The following TBCK variants were observed in gnomAD, a reference collection of about 807,000 sequenced individuals.
TBCK encodes TBC domain-containing protein kinase-like protein.
Under a neutral mutation model 113.4 loss-of-function variants are expected in TBCK, and 99 were observed. That is an observed-to-expected ratio of 0.87 (90% confidence interval 0.74 to 1.03). The LOEUF (loss-of-function observed/expected upper bound fraction) is 1.03. Among genes scored for constraint, TBCK ranks in the 50% least tolerant of loss-of-function variants. TBCK has a pLI of 0.00. For missense variants in TBCK, 1,045 were observed against 1,061.3 expected, an observed-to-expected ratio of 0.98 and a Z score of 0.21; for synonymous variants, 369 against 370.8, an observed-to-expected ratio of 1.00 and a Z score of 0.05.
At chr4:106,303,410 CAT>C (rs1767161350) in intron 2 of TBCK, among the ~76,000 whole-genome samples, 3 of 152,088 alleles carry the variant, frequency 2.0e-5, no homozygotes, top group South Asian at 2.1e-4. Context: ...TCAGCAAACA[CAT>C]GTGTACATAT....
At chr4:106,071,953 G>A (rs949726670) in intron 25 of TBCK, among the ~76,000 whole-genome samples, 4 of 152,112 alleles carry the variant, frequency 2.6e-5, no homozygotes, top group African/African-American at 9.7e-5. Context: ...TTGCTTGGTA[G>A]ATCTTCCTCC....
chr4:106,095,410 T>C lies in TBCK; in HGVS notation c.2571+72A>G, dbSNP rs950216329. On this transcript the variant is annotated intron_variant, in intron 25 of 25. Transcript: ENST00000394708. ...ACCAACTCCTGAAGAAATATACTTT[T>C]AGATAACCTTCATATAGAAGGCAGG... The C allele has an allele frequency of 5.8e-6, 8 of 1,384,012 alleles. No homozygotes were observed. In the African/African-American group the frequency reaches 7.3e-5, roughly 13 times the overall value. 85.7% of individuals were successfully genotyped at this position (1,384,012 alleles called of 1,614,324 possible). A position where few individuals can be genotyped will look rare whatever the true frequency, so the allele number is the denominator to read the frequency against.
intron 25 of TBCK, 60 bp from the exon 26 acceptor site, chr4:106,046,740 G>A: frequency 2.6e-6 from 2 of 782,122 alleles, no homozygotes; most frequent in Non-Finnish European, 4.2e-6. Context: ...CCAACCTCAT[G>A]TTTTTTCTCA....
At chr4:106,148,897 G>C (rs1748147546) in intron 23 of TBCK, among the ~76,000 whole-genome samples, 1 of 152,122 alleles carries the variant, frequency 6.6e-6, no homozygotes, top group Admixed American at 6.5e-5. Context: ...AGCCCTAGAT[G>C]GTATCTTCTT....
In TBCK at chr4:106,216,725, A is replaced by G. The variant is rs1420812829; in HGVS notation, c.1775-3890T>C. On this transcript the variant is annotated intron_variant, in intron 19 of 25. Coordinates refer to ENST00000394708, the MANE Select transcript of TBCK (RefSeq NM_001163435.3). ...GGATCTGAGATTGTGGCAATAATCA[A>G]TAGCTTACCAACCAAAAAGAGTCCA... Among the ~76,000 whole-genome samples the G allele has an allele frequency of 9.9e-5, 15 of 152,262 alleles. No individual in the cohort carries two copies. The East Asian group carries it at 1.9e-3, about 20-fold the overall frequency.
intron 25 of TBCK, among the ~76,000 whole-genome samples, chr4:106,048,596 T>C (rs1734466413): frequency 6.6e-6 from 1 of 152,140 alleles, no homozygotes; most frequent in African/African-American, 2.4e-5. Flanking sequence ...ATATGATTAT[T>C]GAAACATCTT....
chr4:106,192,420 C>G (rs1753767906), intron 22 of TBCK, among the ~76,000 whole-genome samples: 1 of 139,294 alleles, frequency 7.2e-6, no homozygotes, highest in South Asian at 2.1e-4. Flanking sequence ...GTTTGCGAAA[C>G]TAGCTTATTT....
intron 2 of TBCK, among the ~76,000 whole-genome samples, chr4:106,307,512 A>T (rs1659690258): frequency 6.6e-6 from 1 of 152,172 alleles, no homozygotes; most frequent in Non-Finnish European, 1.5e-5. Flanking sequence ...AGGGAACTTG[A>T]AAGTACAGTT....
intron 23 of TBCK, among the ~76,000 whole-genome samples, chr4:106,119,609 ATTGT>A (rs1469785051): frequency 2.6e-5 from 4 of 152,206 alleles, no homozygotes; most frequent in African/African-American, 9.6e-5. Flanking sequence ...CTGGGAAATG[ATTGT>A]TTGGATAAGA....
rs748034875 is a variant in TBCK, at chr4:106,262,225, CAA to C, written c.267-15_267-14del. The C allele has an allele frequency of 1.4e-6, 2 of 1,437,058 alleles. No homozygotes were observed. The highest frequency in any genetic ancestry group is 1.4e-5 in the African/African-American group (1 of 70,152). The allele number at this position is 1,437,058 out of a possible 1,614,324, so 89.0% of individuals were successfully genotyped here. On this transcript the variant is annotated splice_polypyrimidine_tract_variant and intron_variant, in intron 3 of 25. Coordinates refer to ENST00000394708, the MANE Select transcript of TBCK (RefSeq NM_001163435.3). ...AACCGTTGAACAGCTACAAAGAAAA[CAA>C]AAAGTCAAAGATCAATTACAAAGCA...
intron 22 of TBCK, among the ~76,000 whole-genome samples, chr4:106,171,782 A>G (rs1751053071): frequency 6.6e-6 from 1 of 152,110 alleles, no homozygotes; most frequent in Non-Finnish European, 1.5e-5. Context: ...AATAAGATAT[A>G]AAATTATCAG....
intron 22 of TBCK, among the ~76,000 whole-genome samples, chr4:106,176,940 CTTG>C (rs1463079967): frequency 1.3e-5 from 2 of 149,228 alleles, no homozygotes; most frequent in African/African-American, 2.5e-5. Context: ...TTTTCATATA[CTTG>C]TTGGCCATTT....
rs1176128034 is a variant in TBCK at position 106,171,175 on chromosome 4, GC to G, written c.2154del (p.Lys718AsnfsTer35). ...ATYRQHAQPPKPSSDSSGGRS... is the reference protein window; with the variant it reads ...ATYRQHAQPPXPSSDSSGGRS... ...CTGCCTCCACTGCTGTCAGAAGATGGCTTTGGAGGTTGAGCATGCTGTCTGT... is the reference window on the plus strand; with the variant it reads ...CTGCCTCCACTGCTGTCAGAAGATGGTTTGGAGGTTGAGCATGCTGTCTGT... On this transcript the variant is annotated frameshift_variant, in exon 23 of 26. Coordinates refer to ENST00000394708, the MANE Select transcript of TBCK (RefSeq NM_001163435.3). LOFTEE classifies it high-confidence loss of function. 4.3e-6 allele frequency: 7 copies of G among 1,612,754 alleles called. No homozygotes were observed. Among genetic ancestry groups the G allele is most frequent in the Admixed American group, 1.7e-5 (1 of 59,794 alleles).
At position 106,308,949 on chromosome 4, in the gene TBCK, CAGGGGAAACATTTTT is replaced by C; in HGVS notation, c.-4_11del. ...TAAAGGCTCCCATTTCAGCGTCCTT[CAGGGGAAACATTTTT>C]GGAGTCCTAGGTCTTCTAAGATAAT... On this transcript the variant is annotated start_lost and 5_prime_UTR_variant, in exon 2 of 26. Transcript: ENST00000394708. The C allele has an allele frequency of 6.2e-7, 1 of 1,613,584 alleles. No individual in the cohort carries two copies. The highest frequency in any genetic ancestry group is 8.5e-7 in the Non-Finnish European group (1 of 1,179,822).
intron 25 of TBCK, among the ~76,000 whole-genome samples, chr4:106,084,580 C>A (rs1188608823): frequency 2.0e-5 from 3 of 152,082 alleles, no homozygotes; most frequent in Non-Finnish European, 4.4e-5. Flanking sequence ...TCAGGAAATA[C>A]AGAGAACACC....
At position 106,042,584 on chromosome 4, in the gene TBCK, C is replaced by T. The variant is rs1214379255; in HGVS notation, c.*3986G>A. 1 of 152,164 alleles carries T rather than the reference C, an allele frequency of 6.6e-6. No homozygotes were observed. Among genetic ancestry groups the T allele is most frequent in the African/African-American group, 2.4e-5 (1 of 41,438 alleles). The allele number at this position is 152,164 out of a possible 1,614,324, so 9.4% of individuals were successfully genotyped here. On this transcript the variant is annotated 3_prime_UTR_variant, in exon 26 of 26. Transcript: ENST00000394708. ...CCGTGTTAGCCAGGATGGTCTCGAT[C>T]TCCTGACCTTGTGATCTGCCTGCCT...
intron 25 of TBCK, among the ~76,000 whole-genome samples, chr4:106,078,896 T>C (rs1162938009): frequency 2.6e-5 from 4 of 152,010 alleles, no homozygotes; most frequent in African/African-American, 4.8e-5. Flanking sequence ...ACAAAATACA[T>C]GCAAACCAAA....
intron 20 of TBCK, among the ~76,000 whole-genome samples, chr4:106,206,354 T>C (rs759354671): frequency 6.6e-6 from 1 of 152,232 alleles, no homozygotes; most frequent in Non-Finnish European, 1.5e-5. Context: ...CTGATACTAT[T>C]AATAGCCACT....
chr4:106,088,912 A>G (rs1275597275), intron 25 of TBCK, among the ~76,000 whole-genome samples: 1 of 152,016 alleles, frequency 6.6e-6, no homozygotes, highest in South Asian at 2.1e-4. Flanking sequence ...GGAACAATAC[A>G]CCCCATGGCT....
Sources: allele counts gnomAD v4.1 joint callset (sites outside exome capture counted in the v4.1 genomes callset), GRCh38; gene constraint gnomAD v4.1.1; transcripts MANE v1.5; gene names NCBI Gene and HGNC (gene_info 2026-07-23, HGNC 2026-07-21).